The following CDC40 variants were observed in gnomAD, a reference collection of about 807,000 sequenced individuals.
CDC40 encodes the protein cell division cycle 40.
CDC40 carries 27 observed loss-of-function variants against 80.6 expected under a neutral mutation model. That is an observed-to-expected ratio of 0.33 (90% CI 0.25 to 0.46). CDC40 has a LOEUF of 0.46. CDC40 is among the 20% of genes least tolerant of loss of function. The pLI is 1.00. For synonymous variants in CDC40, 221 were observed against 232.6 expected (o/e 0.95, Z 0.45); for missense variants, 486 against 694.1 (o/e 0.70, Z 3.37).
At chr6:110,212,736 T>C (rs1777652203) in intron 7 of CDC40, among the ~76,000 whole-genome samples, 1 of 152,196 alleles carries the variant, frequency 6.6e-6, no homozygotes, top group African/African-American at 2.4e-5. Flanking sequence ...AATTTTGATG[T>C]TGATATTCTT....
At chr6:110,184,950 A>G (rs370654384) in intron 1 of CDC40, among the ~76,000 whole-genome samples, 1 of 152,214 alleles carries the variant, frequency 6.6e-6, no homozygotes, top group Non-Finnish European at 1.5e-5. Flanking sequence ...ACAAGTAAAA[A>G]CATATCAGTA....
At chr6:110,223,801 G>GTTTTTGTTTT (rs370299217) in intron 12 of CDC40, among the ~76,000 whole-genome samples, 1 of 143,232 alleles carries the variant, frequency 7.0e-6, no homozygotes, top group Non-Finnish European at 1.6e-5. Flanking sequence ...CAACTTGTAG[G>GTTTTTGTTTT]GTTTTGTTTT....
chr6:110,190,883 A>G (rs1777337984), intron 1 of CDC40, among the ~76,000 whole-genome samples: 1 of 152,158 alleles, frequency 6.6e-6, no homozygotes, highest in South Asian at 2.1e-4. Flanking sequence ...GACCTCCTCC[A>G]GCTGATCTCC....
At chr6:110,182,116 C>T (rs1777206575) in intron 1 of CDC40, among the ~76,000 whole-genome samples, 2 of 152,156 alleles carry the variant, frequency 1.3e-5, no homozygotes, top group Admixed American at 1.3e-4. Flanking sequence ...CAGCACTTAC[C>T]CACCTGGGGA....
At chr6:110,190,906 T>C (rs1389113880) in intron 1 of CDC40, among the ~76,000 whole-genome samples, 2 of 152,140 alleles carry the variant, frequency 1.3e-5, no homozygotes, top group Non-Finnish European at 2.9e-5. Flanking sequence ...CAACCCTTCC[T>C]CGGGCGCTGA....
intron 1 of CDC40, among the ~76,000 whole-genome samples, chr6:110,184,653 G>A (rs929791730): frequency 6.7e-6 from 1 of 150,304 alleles, no homozygotes; most frequent in Non-Finnish European, 1.5e-5. Flanking sequence ...GCTTACTACC[G>A]CCTCCAGGAA....
intron 6 of CDC40, chr6:110,211,373 T>C (rs1185463381): frequency 3.9e-5 from 6 of 152,192 alleles, no homozygotes; most frequent in African/African-American, 1.2e-4. Context: ...ATAGTGATTA[T>C]CTAAAACTGT....
intron 11 of CDC40, 113 bp downstream of exon 11, chr6:110,219,592 G>A: frequency 8.9e-7 from 1 of 1,126,450 alleles, no homozygotes; most frequent in Non-Finnish European, 1.3e-6. Context: ...TTTAGGGACG[G>A]CTAATGCACC....
At chr6:110,201,278 A>G (rs980396405) in intron 2 of CDC40, among the ~76,000 whole-genome samples, 5 of 152,206 alleles carry the variant, frequency 3.3e-5, no homozygotes, top group African/African-American at 1.2e-4. Flanking sequence ...AATAATGTGA[A>G]TGTAGTAGCT....
In CDC40 at chr6:110,201,562, G is replaced by A. The variant is rs1389522964; in HGVS notation, c.281G>A (p.Gly94Glu). 3 of 1,595,442 alleles carry A rather than the reference G, an allele frequency of 1.9e-6. No homozygotes were observed. Among genetic ancestry groups the A allele is most frequent in the Non-Finnish European group, 2.6e-6 (3 of 1,170,276 alleles). ...TYETMFAPEF[G>E]PENPFRTQQM... Reference sequence around the variant, plus strand: ...TTTTTTCTTGTAACATTGCAGTTTGGACCAGAAAATCCCTTTAGGACACAG... The same window carrying A: ...TTTTTTCTTGTAACATTGCAGTTTGAACCAGAAAATCCCTTTAGGACACAG... The change falls in exon 3 of 15, where the codon GGA becomes GAA. Residue 94 changes from glycine (G) to glutamate (E), a missense_variant. Physicochemically the swap from Gly to Glu is moderately conservative, Grantham distance 98. Coordinates refer to ENST00000307731, the MANE Select transcript of CDC40 (RefSeq NM_015891.3).
chr6:110,215,166 G>A (rs1777682920), intron 8 of CDC40, 120 bp from the exon 9 acceptor site: 2 of 719,366 alleles, frequency 2.8e-6, no homozygotes, highest in Non-Finnish European at 2.5e-6. Context: ...TTTAATGATT[G>A]AAGCTGTGCG....
In CDC40 at chr6:110,210,797, T is replaced by A. The variant is rs1198978368; in HGVS notation, c.721T>A (p.Leu241Ile). The A allele has an allele frequency of 1.3e-6, 2 of 1,532,392 alleles. No homozygotes were observed. The highest frequency in any genetic ancestry group is 2.1e-5 in the Admixed American group (1 of 48,468). 94.9% of individuals were successfully genotyped at this position (1,532,392 alleles called of 1,614,324 possible). Reference protein sequence around the residue: ...EEKPGEEKTILHVKEMYDYQG... With the variant: ...EEKPGEEKTIIHVKEMYDYQG... ...GAAACCTGGGGAGGAGAAGACAATCTTACATGGTAACATATTTTTTGTACA... is the reference window on the plus strand; with the variant it reads ...GAAACCTGGGGAGGAGAAGACAATCATACATGGTAACATATTTTTTGTACA... Residue 241 changes from leucine to isoleucine, a missense_variant, in exon 6 of 15, where the codon TTA becomes ATA. By Grantham distance (5) the Leu-to-Ile change is conservative. Around this residue, in one of 3 missense-constraint regions of CDC40, gnomAD observed 381 missense variants for 492.1 expected, o/e 0.77. Transcript: ENST00000307731.
At position 110,230,316 on chromosome 6, in the gene CDC40, A is replaced by G; in HGVS notation, c.*185A>G. The G allele has an allele frequency of 1.4e-5, 7 of 517,138 alleles. No homozygotes were observed. The South Asian group carries it at 1.6e-4, about 12-fold the overall frequency. The allele number at this position is 517,138 out of a possible 1,614,324, so 32.0% of individuals were successfully genotyped here. ...TGCAACTTCATTTTGTTTTTTATAA[A>G]TGTTATTTATACAGAAAGTGGCTAT... On this transcript the variant is annotated 3_prime_UTR_variant, in exon 15 of 15. Transcript: ENST00000307731.
At chr6:110,196,261 C>G (rs1011130128) in intron 2 of CDC40, among the ~76,000 whole-genome samples, 3 of 152,090 alleles carry the variant, frequency 2.0e-5, no homozygotes, top group Non-Finnish European at 4.4e-5. Context: ...CAGGGTAACC[C>G]CTATGCCTTT....
intron 1 of CDC40, among the ~76,000 whole-genome samples, chr6:110,191,441 A>G (rs961989786): frequency 1.3e-5 from 2 of 152,318 alleles, no homozygotes; most frequent in Middle Eastern, 3.4e-3. Context: ...GGGTTTGGTT[A>G]TACATTTGTG....
intron 2 of CDC40, among the ~76,000 whole-genome samples, chr6:110,198,335 C>T (rs535315535): frequency 6.6e-6 from 1 of 152,030 alleles, no homozygotes; most frequent in Non-Finnish European, 1.5e-5. Context: ...ACCACCATGC[C>T]TAGCTAATTT....
At position 110,180,448 on chromosome 6, in the gene CDC40, T is replaced by G. The variant is rs1777162654; in HGVS notation, c.4T>G (p.Ser2Ala). The change falls in exon 1 of 15, where the codon TCG (serine) becomes GCG (alanine). Residue 2 changes from serine to alanine, a missense_variant. Coordinates refer to ENST00000307731, the MANE Select transcript of CDC40 (RefSeq NM_015891.3). ...CCGCAGAAGATTTGTTGCCGTCATGTCGGCTGCGATTGCAGCTCTGGCCGC... is the reference window on the plus strand; with the variant it reads ...CCGCAGAAGATTTGTTGCCGTCATGGCGGCTGCGATTGCAGCTCTGGCCGC... M[S>A]AAIAALAASY... 6.2e-7 allele frequency: 1 copy of G among 1,614,118 alleles called. No homozygotes were observed. The highest frequency in any genetic ancestry group is 8.5e-7 in the Non-Finnish European group (1 of 1,180,012).
chr6:110,198,884 T>G (rs1002120873), intron 2 of CDC40: 1 of 152,188 alleles, frequency 6.6e-6, no homozygotes, highest in Non-Finnish European at 1.5e-5. Flanking sequence ...ATGTGTTCTG[T>G]TGTATTTTTT....
chr6:110,184,451 G>A (rs1777239634), intron 1 of CDC40, among the ~76,000 whole-genome samples: 1 of 148,696 alleles, frequency 6.7e-6, no homozygotes, highest in Admixed American at 6.7e-5. Context: ...TTTTATTGGA[G>A]GTATTTCTCG....
Sources: allele counts gnomAD v4.1 joint callset (sites outside exome capture counted in the v4.1 genomes callset), GRCh38; gene constraint gnomAD v4.1.1; regional missense constraint gnomAD v4.1.1; transcripts MANE v1.5; gene names NCBI Gene and HGNC (gene_info 2026-07-23, HGNC 2026-07-21).